UGP2: variants seen among roughly 807,000 people sequenced by gnomAD.
UGP2 encodes the protein UDP-glucose pyrophosphorylase 2.
In UGP2, 40 loss-of-function variants were observed where a neutral mutation model predicts 49.0. That is an observed-to-expected ratio of 0.82 (90% confidence interval 0.63 to 1.06). The LOEUF is 1.06. Ranked by LOEUF, UGP2 falls within the 50% of genes least tolerant of loss-of-function variation. UGP2 has a pLI of 0.00. For missense variants in UGP2, 460 were observed against 603.5 expected, an observed-to-expected ratio of 0.76 and a Z score of 2.49; for synonymous variants, 225 against 213.0, an observed-to-expected ratio of 1.06 and a Z score of -0.49.
chr2:63,842,571 G>A, intron 1 of UGP2: 3 of 1,499,412 alleles, frequency 2.0e-6, no homozygotes. Context: ...GGGAAGGGCT[G>A]GGGAAGCGGG....
chr2:63,877,637 A>G (rs779580634), intron 3 of UGP2, among the ~76,000 whole-genome samples: 8 of 152,222 alleles, frequency 5.3e-5, no homozygotes, highest in South Asian at 2.1e-4. Context: ...TTGCATAAAC[A>G]TAAATTTTTA....
At chr2:63,871,040 A>G (rs942609013) in intron 3 of UGP2, among the ~76,000 whole-genome samples, 1 of 152,252 alleles carries the variant, frequency 6.6e-6, no homozygotes, top group Non-Finnish European at 1.5e-5. Context: ...TAAATTTTAA[A>G]TTGTAAAATA....
chr2:63,852,794 G>A (rs1434749970), intron 1 of UGP2, among the ~76,000 whole-genome samples: 3 of 152,204 alleles, frequency 2.0e-5, no homozygotes, highest in African/African-American at 7.2e-5. Context: ...TCCAATGTGA[G>A]GGGAAAGGTG....
chr2:63,843,357 G>A (rs1199149985), intron 1 of UGP2, among the ~76,000 whole-genome samples: 1 of 152,226 alleles, frequency 6.6e-6, no homozygotes, highest in Non-Finnish European at 1.5e-5. Flanking sequence ...TGTGGTAAGA[G>A]ATGCTTATGT....
At chr2:63,873,567 C>T (rs983832692) in intron 3 of UGP2, among the ~76,000 whole-genome samples, 15 of 151,874 alleles carry the variant, frequency 9.9e-5, no homozygotes, top group Admixed American at 3.3e-4. Context: ...GCCTGTAAAT[C>T]GCCGGTCTTA....
At chr2:63,884,390 G>A (rs1671517717) in intron 5 of UGP2, among the ~76,000 whole-genome samples, 1 of 152,120 alleles carries the variant, frequency 6.6e-6, no homozygotes, top group Non-Finnish European at 1.5e-5. Context: ...GTGGGTCTGT[G>A]AAAATCTTTT....
At position 63,857,814 on chromosome 2, in the gene UGP2, C is replaced by G. The variant is rs752095104; in HGVS notation, c.148-15C>G. 1.9e-6 allele frequency: 3 copies of G among 1,608,362 alleles called. No individual in the cohort carries two copies. The highest frequency in any genetic ancestry group is 1.7e-5 in the Admixed American group (1 of 59,218). ...AGCATTCTGCTGGTTGTAACAATGA[C>G]TTCTATTTTCACAGCACACCAAAAA... On this transcript the variant is annotated splice_polypyrimidine_tract_variant and intron_variant, in intron 2 of 9. Transcript: ENST00000337130.
intron 8 of UGP2, 35 bp downstream of exon 8, chr2:63,887,679 C>T (rs1477121300): frequency 6.2e-7 from 1 of 1,605,274 alleles, no homozygotes; most frequent in East Asian, 2.2e-5. Flanking sequence ...GTTCATATTT[C>T]TTAAATGTGT....
At chr2:63,868,757 TC>T (rs1670348417) in intron 3 of UGP2, among the ~76,000 whole-genome samples, 3 of 152,132 alleles carry the variant, frequency 2.0e-5, no homozygotes, top group South Asian at 4.1e-4. Context: ...GGCGGGCAGA[TC>T]ACCTGAGGTC....
intron 3 of UGP2, chr2:63,862,977 G>T: frequency 2.5e-6 from 1 of 407,796 alleles, no homozygotes; most frequent in South Asian, 1.8e-5. Context: ...CCAGCTCCCT[G>T]AGTCATCTAC....
intron 3 of UGP2, among the ~76,000 whole-genome samples, chr2:63,858,505 TATAC>T (rs1669603418): frequency 6.6e-6 from 1 of 151,938 alleles, no homozygotes; most frequent in Admixed American, 6.5e-5. Flanking sequence ...TTTTAAAAAC[TATAC>T]ATAACATTCT....
intron 7 of UGP2, among the ~76,000 whole-genome samples, chr2:63,887,062 A>G (rs1671727842): frequency 6.6e-6 from 1 of 152,130 alleles, no homozygotes; most frequent in Non-Finnish European, 1.5e-5. Context: ...ACTTGAGGCC[A>G]GGACCAACCT....
intron 3 of UGP2, among the ~76,000 whole-genome samples, chr2:63,864,503 A>G (rs1444261313): frequency 1.3e-5 from 2 of 152,246 alleles, no homozygotes; most frequent in Admixed American, 1.3e-4. Flanking sequence ...TTCTTACATG[A>G]TACTCAGATA....
chr2:63,883,899 T>C (rs1671485966), intron 4 of UGP2, 61 bp from the exon 5 acceptor site: 1 of 1,547,140 alleles, frequency 6.5e-7, no homozygotes, highest in Admixed American at 2.1e-5. Flanking sequence ...AGAACTAATT[T>C]TGCATATTTG....
At chr2:63,858,000 C>T (rs562395832) in intron 3 of UGP2, 64 bp downstream of exon 3, 35 of 1,495,474 alleles carry the variant, frequency 2.3e-5, no homozygotes, top group Middle Eastern at 1.7e-4. Context: ...TAACTTAGGA[C>T]GGTTGGGTAG....
Position 63,886,484 on chromosome 2 carries a change from T to G in UGP2, c.1017T>G (p.Val339=), listed in dbSNP as rs2104362522. The G allele has an allele frequency of 6.2e-7, 1 of 1,614,194 alleles. No homozygotes were observed. Among genetic ancestry groups the G allele is most frequent in the Non-Finnish European group, 8.5e-7 (1 of 1,180,020 alleles). ...TNNLWISLAA[V]KRLQEQNAID... ...ACCTATGGATTTCTCTTGCAGCAGT[T>G]AAAAGACTGCAGGAGCAAAATGCCA... Residue 339 remains valine (V), a synonymous_variant, in exon 7 of 10, where the codon GTT becomes GTG. Coordinates refer to ENST00000337130, the MANE Select transcript of UGP2 (RefSeq NM_006759.4).
chr2:63,841,354 AGGAGC>A (rs1207716940), upstream of UGP2: 1 of 152,052 alleles, frequency 6.6e-6, no homozygotes, highest in Non-Finnish European at 1.5e-5. Flanking sequence ...TGGGCTTCTG[AGGAGC>A]GCAGGGCAGG....
intron 1 of UGP2, among the ~76,000 whole-genome samples, chr2:63,845,248 TTTC>T (rs1435130445): frequency 1.3e-5 from 2 of 152,186 alleles, no homozygotes; most frequent in Non-Finnish European, 2.9e-5. Context: ...CAAACCTCAG[TTTC>T]TTCTTAGATA....
chr2:63,852,030 T>TTA (rs922471146), intron 1 of UGP2, among the ~76,000 whole-genome samples: 103 of 152,288 alleles, frequency 6.8e-4, no homozygotes, highest in African/African-American at 2.3e-3. Context: ...CTGTGACAGA[T>TTA]TATACCCTTA....
Sources: gnomAD v4.1 joint callset for allele counts (sites outside exome capture counted in the v4.1 genomes callset) on GRCh38, gnomAD v4.1.1 for gene constraint, MANE v1.5 for transcripts, NCBI Gene and HGNC (gene_info 2026-07-23, HGNC 2026-07-21) for gene names.